The following GOLGA8A variants were observed in gnomAD, a reference collection of about 807,000 sequenced individuals.
GOLGA8A encodes the protein golgin subfamily A member 8A.
In GOLGA8A, 3 loss-of-function variants were observed where a neutral mutation model predicts 22.1. That is an observed-to-expected ratio of 0.14 (90% CI 0.06 to 0.35). GOLGA8A has a LOEUF of 0.35. Ranked by LOEUF, GOLGA8A falls within the 10% of genes least tolerant of loss-of-function variation. The probability of loss-of-function intolerance (pLI) is 1.00; values close to 1 mark genes in which losing one functional copy is unlikely to be tolerated. For missense variants in GOLGA8A, 16 were observed against 233.2 expected (o/e 0.07, Z 6.07); for synonymous variants, 7 against 91.7 (o/e 0.08, Z 5.28).
intron 2 of GOLGA8A, among the ~76,000 whole-genome samples, chr15:34,435,008 C>A (rs1406344580): frequency 1.3e-5 from 2 of 149,482 alleles, no homozygotes; most frequent in Non-Finnish European, 3.0e-5. Context: ...TGCTGGGCCT[C>A]GATCCCCACC....
At chr15:34,385,589 T>C in intron 13 of GOLGA8A, 115 bp from the exon 14 acceptor site, 1 of 1,531,116 alleles carries the variant, frequency 6.5e-7, no homozygotes, top group Non-Finnish European at 8.9e-7. Flanking sequence ...TGGGACCAGG[T>C]TATCAGGGAC....
At position 34,397,331 on chromosome 15, in the gene GOLGA8A, G is replaced by A. The variant is rs1415390416; in HGVS notation, c.-382+1303C>T. Among the ~76,000 whole-genome samples, 7 of 147,368 alleles carry A rather than the reference G, an allele frequency of 4.8e-5. 1 individual carries two copies. The highest frequency in any genetic ancestry group is 7.6e-5 in the Non-Finnish European group (5 of 65,616). On this transcript the variant is annotated intron_variant, in intron 8 of 24. Coordinates refer to ENST00000359187, the MANE Select transcript of GOLGA8A (RefSeq NM_181077.5). ...TCTATTTCATCCATTTTCCTTTCAG[G>A]TCTTCCTCATCATTCCTGGTGGTCT...
intron 2 of GOLGA8A, among the ~76,000 whole-genome samples, chr15:34,429,251 T>C (rs1000974765): frequency 2.0e-5 from 3 of 147,308 alleles, no homozygotes; most frequent in Middle Eastern, 3.4e-3. Flanking sequence ...TGGTAAAATA[T>C]GTGTTGTTAT....
chr15:34,434,595 A>G (rs1874378), intron 2 of GOLGA8A, among the ~76,000 whole-genome samples: 117,908 of 147,632 alleles, frequency 0.8, 49,555 homozygotes, highest in East Asian at 0.99. Context: ...GGCGGTGGGC[A>G]GCAGGGGGGT....
intron 2 of GOLGA8A, among the ~76,000 whole-genome samples, chr15:34,435,019 G>A (rs1469050892): frequency 2.0e-5 from 3 of 149,594 alleles, no homozygotes. Flanking sequence ...GATCCCCACC[G>A]ACCGCCAGTC....
At chr15:34,432,991 C>A (rs537752327) in intron 2 of GOLGA8A, among the ~76,000 whole-genome samples, 1 of 148,948 alleles carries the variant, frequency 6.7e-6, no homozygotes, top group Non-Finnish European at 1.5e-5. Context: ...AGAGGCCTCA[C>A]GCGGGTATTG....
Position 34,425,751 on chromosome 15 carries a change from C to G in GOLGA8A, c.-1123+9632G>C, listed in dbSNP as rs763730422. ...TAGAAATCAACAAGGAAAAGCTTCA[C>G]AAATCAAGAGAAAAACAGGCAAGGA... On this transcript the variant is annotated intron_variant, in intron 2 of 24. Transcript: ENST00000359187. Among the ~76,000 whole-genome samples, 48 of 146,428 alleles carry G rather than the reference C, an allele frequency of 3.3e-4. 3 individuals are homozygous for G. The Middle Eastern group carries it at 0.01, about 32-fold the overall frequency.
chr15:34,431,300 TATATATATATACATATATATATATATATA>T lies in GOLGA8A; in HGVS notation c.-1123+4054_-1123+4082del, dbSNP rs1566913903. ...ACCAAATGAAAAAAAATTATATATA[TATATATATATACATATATATATATATATA>T]TATATATATATATATATCTCACACA... is the stretch of plus-strand genomic sequence containing the variant. On this transcript the variant is annotated intron_variant, in intron 2 of 24. Coordinates refer to ENST00000359187, the MANE Select transcript of GOLGA8A (RefSeq NM_181077.5). Among the ~76,000 whole-genome samples, 16 of 13,214 alleles carry T rather than the reference TATATATATATACATATATATATATATATA, an allele frequency of 1.2e-3. 2 individuals are homozygous for T. Among genetic ancestry groups the T allele is most frequent in the African/African-American group, 2.1e-3 (15 of 7,238 alleles). The allele number at this position is 13,214 out of a possible 152,430, so 8.7% of individuals were successfully genotyped here.
rs534210032 is a variant in GOLGA8A, at chr15:34,410,666, G to A, written c.-1122-2931C>T. 1.4e-5 allele frequency: 4 copies of A among 278,686 alleles called. 1 individual carries two copies. The highest frequency in any genetic ancestry group is 5.3e-5 in the African/African-American group (2 of 37,646). The allele number at this position is 278,686 out of a possible 1,614,324, so 17.3% of individuals were successfully genotyped here. A position where few individuals can be genotyped will look rare whatever the true frequency, so the allele number is the denominator to read the frequency against. On this transcript the variant is annotated intron_variant, in intron 2 of 24. Coordinates refer to ENST00000359187, the MANE Select transcript of GOLGA8A (RefSeq NM_181077.5). ...CAAGGGACCTCAGGGTACAGGCCTCGCAGATGCTGAAGCGAGGCGGTGGGG... is the reference window on the plus strand; with the variant it reads ...CAAGGGACCTCAGGGTACAGGCCTCACAGATGCTGAAGCGAGGCGGTGGGG...
chr15:34,404,515 G>A (rs1483901400), intron 5 of GOLGA8A, among the ~76,000 whole-genome samples: 1 of 150,304 alleles, frequency 6.7e-6, no homozygotes, highest in African/African-American at 2.5e-5. Flanking sequence ...GCTCATGCCT[G>A]TAATCCCAGC....
Position 34,425,953 on chromosome 15 carries a change from T to C in GOLGA8A, c.-1123+9430A>G, listed in dbSNP as rs547295943. ...AGAGAGCGTCGATGTCCAGAGAGTG[T>C]CGATGTCCAGAGAGTGTCAGTGGGG... On this transcript the variant is annotated intron_variant, in intron 2 of 24. Coordinates refer to ENST00000359187, the MANE Select transcript of GOLGA8A (RefSeq NM_181077.5). 3.5e-5 allele frequency among the ~76,000 whole-genome samples: 5 copies of C among 144,524 alleles called. No individual in the cohort carries two copies. In the South Asian group the frequency reaches 1.2e-3, roughly 36 times the overall value. The allele number at this position is 144,524 out of a possible 152,430, so 94.8% of individuals were successfully genotyped here. A position where few individuals can be genotyped will look rare whatever the true frequency, so the allele number is the denominator to read the frequency against.
In GOLGA8A at chr15:34,434,178, G is replaced by A. The variant is rs1159630380; in HGVS notation, c.-1123+1205C>T. ...TGCCTGGAGCCAGGAGAGCCTGGAG[G>A]GGCCATTCTTGGGAGCGAGCGGGGG... On this transcript the variant is annotated intron_variant, in intron 2 of 24. Transcript: ENST00000359187. 2.7e-5 allele frequency among the ~76,000 whole-genome samples: 4 copies of A among 149,678 alleles called. No homozygotes were observed. In the East Asian group the frequency reaches 7.9e-4, roughly 29 times the overall value.
chr15:34,423,009 A>C (rs1381378491), intron 2 of GOLGA8A, among the ~76,000 whole-genome samples: 1 of 131,524 alleles, frequency 7.6e-6, no homozygotes, highest in African/African-American at 2.7e-5. Flanking sequence ...CGTCTGAATG[A>C]AGCCAGAAAT....
At chr15:34,420,589 G>C (rs1892759142) in intron 2 of GOLGA8A, among the ~76,000 whole-genome samples, 1 of 130,916 alleles carries the variant, frequency 7.6e-6, no homozygotes, top group African/African-American at 2.9e-5. Context: ...ATTTTTAACA[G>C]ATTTTAGAAA....
chr15:34,436,920 C>G (rs930630500), intron 1 of GOLGA8A, among the ~76,000 whole-genome samples: 1 of 149,644 alleles, frequency 6.7e-6, no homozygotes, highest in African/African-American at 2.5e-5. Context: ...GATCCGGGCT[C>G]GAGTTCTCCC....
rs1779225168 is a variant in GOLGA8A, at chr15:34,434,357, G to C, written c.-1123+1026C>G. Among the ~76,000 whole-genome samples, 2 of 149,706 alleles carry C rather than the reference G, an allele frequency of 1.3e-5. 1 individual carries two copies. The highest frequency in any genetic ancestry group is 4.9e-5 in the African/African-American group (2 of 40,594). On this transcript the variant is annotated intron_variant, in intron 2 of 24. Transcript: ENST00000359187. ...CCTGGGAAACCTCACAGCCGGCACA[G>C]AAATCATAAAGCACACAGCAATGGC... is the stretch of plus-strand genomic sequence containing the variant.
In GOLGA8A at chr15:34,427,562, T is replaced by C. The variant is rs1407257074; in HGVS notation, c.-1123+7821A>G. ...CTCTGCAAAAGGAGGACAAAGATCC[T>C]CCTGGGGCCGCAGAATTCAGCAGCT... On this transcript the variant is annotated intron_variant, in intron 2 of 24. Transcript: ENST00000359187. Among the ~76,000 whole-genome samples, 5 of 148,056 alleles carry C rather than the reference T, an allele frequency of 3.4e-5. 1 individual carries two copies. Among genetic ancestry groups the C allele is most frequent in the African/African-American group, 1.3e-4 (5 of 39,908 alleles).
chr15:34,426,920 A>C (rs1466712782), intron 2 of GOLGA8A, among the ~76,000 whole-genome samples: 1 of 144,534 alleles, frequency 6.9e-6, no homozygotes, highest in Non-Finnish European at 1.5e-5. Context: ...GATCTATTTA[A>C]TGATTAGCTC....
chr15:34,437,316 C>G (rs1291134611), intron 1 of GOLGA8A, 82 bp downstream of exon 1: 1 of 143,902 alleles, frequency 6.9e-6, no homozygotes, highest in East Asian at 2.1e-4. Flanking sequence ...CCGCCCCCCA[C>G]GCGTCCGGGT....
Sources: gnomAD v4.1 joint callset for allele counts (sites outside exome capture counted in the v4.1 genomes callset) on GRCh38, gnomAD v4.1.1 for gene constraint, MANE v1.5 for transcripts, NCBI Gene and HGNC (gene_info 2026-07-23, HGNC 2026-07-21) for gene names.